Variants in SERPINF1 observed in about 807,000 individuals in gnomAD.
The protein encoded by SERPINF1 is serpin family F member 1.
Under a neutral mutation model 37.3 loss-of-function variants are expected in SERPINF1, and 29 were observed. The ratio of observed to expected loss-of-function variants is 0.78; its 90% CI spans 0.58 to 1.06. The LOEUF (loss-of-function observed/expected upper bound fraction) is 1.06. Ranked by LOEUF, SERPINF1 falls within the 50% of genes least tolerant of loss-of-function variation. SERPINF1 has a pLI of 0.00. For synonymous variants in SERPINF1, 281 were observed against 227.9 expected (o/e 1.23, Z -2.10); for missense variants, 553 against 532.2 (o/e 1.04, Z -0.38).
In SERPINF1 at chr17:1,777,403, C is replaced by G. The variant is rs750443950; in HGVS notation, c.1214C>G (p.Ala405Gly). The G allele has an allele frequency of 1.9e-6, 3 of 1,614,130 alleles. No homozygotes were observed. Among genetic ancestry groups the G allele is most frequent in the African/African-American group, 2.7e-5 (2 of 75,030 alleles). Residue 405 changes from alanine to glycine, a missense_variant, in exon 8 of 8, where the codon GCC becomes GGC. Transcript: ENST00000254722. ...GTACTGAGGGACACAGACACAGGGG[C>G]CCTTCTCTTCATTGGCAAGATTCTG... ...IFVLRDTDTG[A>G]LLFIGKILDP...
At chr17:1,772,139 T>G in intron 5 of SERPINF1, 64 bp downstream of exon 5, 1 of 1,508,126 alleles carries the variant, frequency 6.6e-7, no homozygotes. Context: ...ATTAATTCGA[T>G]GGAGTCTTAC....
At chr17:1,776,123 C>G (rs1908013830) in intron 6 of SERPINF1, among the ~76,000 whole-genome samples, 1 of 152,098 alleles carries the variant, frequency 6.6e-6, no homozygotes, top group Admixed American at 6.5e-5. Context: ...TCCAAGCCCT[C>G]TTACGGCCCC....
chr17:1,775,010 T>C (rs1907938930), intron 5 of SERPINF1, 48 bp from the exon 6 acceptor site: 1 of 1,613,464 alleles, frequency 6.2e-7, no homozygotes, highest in African/African-American at 1.3e-5. Context: ...GGCGCCACTG[T>C]CTTTCTGGTC....
intron 5 of SERPINF1, among the ~76,000 whole-genome samples, chr17:1,772,938 G>A (rs779702415): frequency 2.6e-4 from 39 of 152,078 alleles, no homozygotes; most frequent in Non-Finnish European, 4.4e-4. Context: ...CTCCCACCTC[G>A]GCCTCCCAAA....
At chr17:1,773,321 A>G (rs900935050) in intron 5 of SERPINF1, among the ~76,000 whole-genome samples, 18 of 152,032 alleles carry the variant, frequency 1.2e-4, no homozygotes, top group African/African-American at 4.1e-4. Flanking sequence ...TTGGCTCACT[A>G]CAGCCTCCCC....
In SERPINF1 at chr17:1,771,158, G is replaced by T. The variant is rs771804489; in HGVS notation, c.413G>T (p.Ser138Ile). Residue 138 changes from serine (S) to isoleucine (I), a missense_variant, in exon 4 of 8, where the codon AGT becomes ATT. Physicochemically the swap from Ser to Ile is moderately radical, Grantham distance 142. Transcript: ENST00000254722. ...ACTGCCCCCCAGAAGAACCTCAAGA[G>T]TGCCTCCCGGATCGTCTTTGAGAAG... Reference protein sequence around the residue: ...TVTAPQKNLKSASRIVFEKKL... With the variant: ...TVTAPQKNLKIASRIVFEKKL... The T allele has an allele frequency of 6.2e-7, 1 of 1,613,852 alleles. No individual in the cohort carries two copies. The highest frequency in any genetic ancestry group is 8.5e-7 in the Non-Finnish European group (1 of 1,179,976).
Position 1,771,915 on chromosome 17 carries a change from A to T in SERPINF1, c.483A>T (p.Ser161=), listed in dbSNP as rs1391729160. 1 of 1,613,994 alleles carries T rather than the reference A, an allele frequency of 6.2e-7. No homozygotes were observed. The highest frequency in any genetic ancestry group is 1.1e-5 in the South Asian group (1 of 91,078). ...GCTTTGTGGCACCTCTGGAAAAGTC[A>T]TATGGGACCAGGCCCAGAGTCCTGA... ...KSSFVAPLEK[S]YGTRPRVLTG... is the part of the protein sequence containing the mutation. The change falls in exon 5 of 8, where the codon TCA becomes TCT. Residue 161 remains serine (S), a synonymous_variant. Coordinates refer to ENST00000254722, the MANE Select transcript of SERPINF1 (RefSeq NM_002615.7).
chr17:1,765,524 G>GT (rs1158632654), intron 1 of SERPINF1, among the ~76,000 whole-genome samples: 1 of 151,838 alleles, frequency 6.6e-6, no homozygotes, highest in African/African-American at 2.4e-5. Flanking sequence ...GTTTCACCAT[G>GT]TTGGCCAGGC....
At chr17:1,769,680 T>C (rs1326352372) in intron 2 of SERPINF1, 172 bp from the exon 3 acceptor site, 5 of 705,740 alleles carry the variant, frequency 7.1e-6, no homozygotes, top group Non-Finnish European at 1.3e-5. Context: ...AGAGAGCTCA[T>C]GCGTGATCAG....
chr17:1,771,643 A>T, intron 4 of SERPINF1: 1 of 583,518 alleles, frequency 1.7e-6, no homozygotes. Context: ...GGGCTGCAGG[A>T]GACGGTGGGA....
intron 2 of SERPINF1, among the ~76,000 whole-genome samples, chr17:1,769,373 T>TAC (rs1907578657): frequency 6.8e-6 from 1 of 147,820 alleles, no homozygotes; most frequent in African/African-American, 2.6e-5. Context: ...CACGCCACCG[T>TAC]ACTCCAGCCT....
intron 6 of SERPINF1, 36 bp downstream of exon 6, chr17:1,775,236 G>C (rs767074450): frequency 1.9e-5 from 31 of 1,601,670 alleles, no homozygotes; most frequent in Non-Finnish European, 2.5e-5. Flanking sequence ...GGGGTGGATG[G>C]AGGGAGAGGA....
chr17:1,775,294 G>C, intron 6 of SERPINF1, 94 bp downstream of exon 6: 1 of 1,314,736 alleles, frequency 7.6e-7, no homozygotes, highest in Non-Finnish European at 1.1e-6. Context: ...TTTGAGATCC[G>C]ACAGCTGTCT....
At chr17:1,774,582 T>C (rs1053329316) in intron 5 of SERPINF1, among the ~76,000 whole-genome samples, 2 of 152,108 alleles carry the variant, frequency 1.3e-5, no homozygotes, top group Middle Eastern at 3.2e-3. Context: ...TCTGCCCACC[T>C]TGGCCTCCTG....
chr17:1,771,862 C>A lies in SERPINF1; in HGVS notation c.440-10C>A. ...TCTCATACGCTAACCTCTGCTCCGC[C>A]TCTTCTCAGAGCTGCGCATAAAATC... On this transcript the variant is annotated splice_polypyrimidine_tract_variant and intron_variant, in intron 4 of 7. Transcript: ENST00000254722. 6.2e-7 allele frequency: 1 copy of A among 1,610,418 alleles called. No homozygotes were observed.
In SERPINF1 at chr17:1,767,007, G is replaced by A. The variant is rs1231169797; in HGVS notation, c.84+13G>A. ...CCCCCCGGAGGAGGTCAGTAGGCAG[G>A]CGGGGAGGGCGTGGTCAGCATTCCC... On this transcript the variant is annotated intron_variant, in intron 2 of 7. Coordinates refer to ENST00000254722, the MANE Select transcript of SERPINF1 (RefSeq NM_002615.7). The A allele has an allele frequency of 4.5e-6, 7 of 1,548,568 alleles. No homozygotes were observed. Among genetic ancestry groups the A allele is most frequent in the Middle Eastern group, 1.9e-4 (1 of 5,374 alleles).
At chr17:1,776,841 C>T (rs1908064871) in intron 7 of SERPINF1, 99 bp downstream of exon 7, 1 of 1,122,212 alleles carries the variant, frequency 8.9e-7, no homozygotes, top group South Asian at 1.3e-5. Flanking sequence ...GCTCCACAGG[C>T]TTGTAGGGGG....
intron 1 of SERPINF1, among the ~76,000 whole-genome samples, chr17:1,764,089 G>A (rs948995487): frequency 6.6e-6 from 1 of 152,222 alleles, no homozygotes; most frequent in Non-Finnish European, 1.5e-5. Context: ...GACTGAGGCA[G>A]GAGAATTGCT....
chr17:1,773,407 A>G (rs1907858593), intron 5 of SERPINF1, among the ~76,000 whole-genome samples: 1 of 151,978 alleles, frequency 6.6e-6, no homozygotes, highest in Non-Finnish European at 1.5e-5. Flanking sequence ...CACCACACCC[A>G]GCTAATTTTT....
Sources: gnomAD v4.1 joint callset for allele counts (sites outside exome capture counted in the v4.1 genomes callset) on GRCh38, gnomAD v4.1.1 for gene constraint, MANE v1.5 for transcripts, NCBI Gene and HGNC (gene_info 2026-07-23, HGNC 2026-07-21) for gene names.